Variants in ASAH1 observed in about 807,000 individuals in gnomAD.
ASAH1 encodes the protein N-acylsphingosine amidohydrolase 1.
ASAH1 carries 70 observed loss-of-function variants against 59.5 expected under a neutral mutation model. The observed-to-expected ratio is 1.18, with a 90% CI of 0.97 to 1.43. The LOEUF (loss-of-function observed/expected upper bound fraction) is 1.43, where lower values mean the gene tolerates loss of function less well. Among genes scored for constraint, ASAH1 ranks in the 40% most tolerant of loss-of-function variants. The probability of loss-of-function intolerance (pLI) is 0.00; values close to 1 mark genes in which losing one functional copy is unlikely to be tolerated. For missense variants in ASAH1, 660 were observed against 482.5 expected, an observed-to-expected ratio of 1.37 and a Z score of -3.45; for synonymous variants, 213 against 166.5, an observed-to-expected ratio of 1.28 and a Z score of -2.15.
Position 18,073,804 on chromosome 8 carries a change from T to C in ASAH1, c.125+1737A>G, listed in dbSNP as rs1308454053. Among the ~76,000 whole-genome samples, 5 of 152,086 alleles carry C rather than the reference T, an allele frequency of 3.3e-5. No individual in the cohort carries two copies. The East Asian group carries it at 5.8e-4, about 18-fold the overall frequency. On this transcript the variant is annotated intron_variant, in intron 2 of 13. Transcript: ENST00000637790. ...TCTCCTAAATCTCAAGATCCATTGA[T>C]AGAGTTGAGAGAAGAGAAGGATAAG...
chr8:18,063,469 AC>A, intron 6 of ASAH1: 2 of 354,064 alleles, frequency 5.6e-6, no homozygotes, highest in Admixed American at 5.2e-5. Context: ...GCACCTGGCT[AC>A]TTTTTTTTTT....
rs113605061 is a variant in ASAH1, at chr8:18,074,626, T to C, written c.125+915A>G. On this transcript the variant is annotated intron_variant, in intron 2 of 13. Coordinates refer to ENST00000637790, the MANE Select transcript of ASAH1 (RefSeq NM_177924.5). Reference sequence around the variant, plus strand: ...CCCTATACCTGTTCCTTCTTTTCTCTGTTCTGTACACTCTGAGGGGTCTGT... The same window carrying C: ...CCCTATACCTGTTCCTTCTTTTCTCCGTTCTGTACACTCTGAGGGGTCTGT... Among the ~76,000 whole-genome samples, 6 of 152,324 alleles carry C rather than the reference T, an allele frequency of 3.9e-5. 1 individual carries two copies. The highest frequency in any genetic ancestry group is 7.2e-5 in the African/African-American group (3 of 41,578).
chr8:18,069,833 C>A lies in ASAH1; in HGVS notation c.262G>T (p.Val88Leu), dbSNP rs368365768. 6 of 1,591,252 alleles carry A rather than the reference C, an allele frequency of 3.8e-6. No individual in the cohort carries two copies. Among genetic ancestry groups the A allele is most frequent in the Non-Finnish European group, 5.2e-6 (6 of 1,161,062 alleles). ...NSLKNMINTF[V>L]PSGKIMQVVD... ...ACCTGCATAATTTTTCCACTTGGCA[C>A]GAATGTATTTATCATATTCTTCAGA... Residue 88 changes from valine to leucine, a missense_variant, in exon 4 of 14, where the codon GTG becomes TTG. Coordinates refer to ENST00000637790, the MANE Select transcript of ASAH1 (RefSeq NM_177924.5).
intron 5 of ASAH1, 101 bp from the exon 6 acceptor site, chr8:18,064,632 T>G (rs1799855036): frequency 1.3e-6 from 1 of 754,386 alleles, no homozygotes; most frequent in African/African-American, 1.7e-5. Context: ...TGTGAGTGTG[T>G]GCTTTGGCCA....
rs7825513 is a variant in ASAH1, at chr8:18,071,117, A to G, written c.216+183T>C. 0.81 allele frequency among the ~76,000 whole-genome samples: 123,089 copies of G among 151,774 alleles called. 53,362 individuals are homozygous for G. The highest frequency in any genetic ancestry group is 0.98 in the Non-Finnish European group (66,753 of 67,980). On this transcript the variant is annotated intron_variant, in intron 3 of 13. Coordinates refer to ENST00000637790, the MANE Select transcript of ASAH1 (RefSeq NM_177924.5). Reference sequence around the variant, plus strand: ...AGCTACTCGGGAAGCTGAGGCAGGGAAATTGCTAGAACCCAGGAGGCGGAG... The same window carrying G: ...AGCTACTCGGGAAGCTGAGGCAGGGGAATTGCTAGAACCCAGGAGGCGGAG...
chr8:18,064,383 G>T, intron 6 of ASAH1, 74 bp downstream of exon 6: 1 of 1,166,410 alleles, frequency 8.6e-7, no homozygotes, highest in Non-Finnish European at 1.3e-6. Context: ...AATTTCAGAA[G>T]TTCTAATTTC....
intron 12 of ASAH1, 29 bp from the exon 13 acceptor site, chr8:18,058,920 G>T: frequency 2.5e-6 from 4 of 1,592,008 alleles, no homozygotes; most frequent in Non-Finnish European, 3.4e-6. Context: ...GTTTTGTTCA[G>T]TAAGTTAAAT....
chr8:18,064,466 C>A lies in ASAH1; in HGVS notation c.448G>T (p.Asp150Tyr), dbSNP rs1471923402. ...CTCAGCGCACAATTACCTTTTTTGT[C>A]TTCTGCTACTATTGAAGTACAAATG... ...FTICTSIVAE[D>Y]KKGHLIHGRN... Residue 150 changes from aspartate to tyrosine, a missense_variant, in exon 6 of 14, where the codon GAC (aspartate) becomes TAC (tyrosine). Coordinates refer to ENST00000637790, the MANE Select transcript of ASAH1 (RefSeq NM_177924.5). 2 of 1,565,308 alleles carry A rather than the reference C, an allele frequency of 1.3e-6. No individual in the cohort carries two copies. Among genetic ancestry groups the A allele is most frequent in the Admixed American group, 3.3e-5 (2 of 59,724 alleles).
chr8:18,083,978 C>T lies in ASAH1; in HGVS notation c.78+3G>A. 6.3e-7 allele frequency: 1 copy of T among 1,597,670 alleles called. No homozygotes were observed. The highest frequency in any genetic ancestry group is 1.7e-5 in the Admixed American group (1 of 59,936). ...CTCTGCGCCTCGGCTCAAGCTCACT[C>T]ACCGGCGGCGCGTGCTGCGCGACGG... On this transcript the variant is annotated splice_donor_region_variant and intron_variant, in intron 1 of 13. Transcript: ENST00000637790.
chr8:18,074,926 G>C (rs189440553), intron 2 of ASAH1, among the ~76,000 whole-genome samples: 11 of 152,106 alleles, frequency 7.2e-5, no homozygotes, highest in Non-Finnish European at 1.5e-4. Context: ...TTCAAATACA[G>C]CCCTTACATT....
chr8:18,067,973 T>C (rs1165409434), intron 4 of ASAH1: 1 of 152,214 alleles, frequency 6.6e-6, no homozygotes, highest in Non-Finnish European at 1.5e-5. Context: ...ACCAACTTGG[T>C]AATTACATGT....
intron 1 of ASAH1, chr8:18,083,343 C>T (rs1589010803): frequency 6.5e-6 from 1 of 153,586 alleles, no homozygotes; most frequent in South Asian, 1.9e-4. Flanking sequence ...ACTTCCTCTT[C>T]TGTAAAATGA....
At position 18,057,481 on chromosome 8, in the gene ASAH1, G is replaced by T; in HGVS notation, c.*53C>A. 2 of 1,408,490 alleles carry T rather than the reference G, an allele frequency of 1.4e-6. No homozygotes were observed. The highest frequency in any genetic ancestry group is 2.5e-5 in the East Asian group (1 of 40,270). The allele number at this position is 1,408,490 out of a possible 1,614,324, so 87.2% of individuals were successfully genotyped here. ...AGACAGCTGCAGTGTTCGGTCACAT[G>T]GAGATGGTGTCTTCATGTCTCAGAG... On this transcript the variant is annotated 3_prime_UTR_variant, in exon 14 of 14. Transcript: ENST00000637790.
chr8:18,076,090 A>T (rs1159539265), intron 1 of ASAH1: 1 of 178,114 alleles, frequency 5.6e-6, no homozygotes, highest in African/African-American at 2.4e-5. Flanking sequence ...TAGTATTTAT[A>T]GCCATACGCA....
chr8:18,077,085 A>C (rs946033774), intron 1 of ASAH1, among the ~76,000 whole-genome samples: 3 of 152,184 alleles, frequency 2.0e-5, no homozygotes, highest in Non-Finnish European at 4.4e-5. Context: ...AGACTGCAAA[A>C]CTTTACAGCT....
In ASAH1 at chr8:18,058,843, G is replaced by C; in HGVS notation, c.1090C>G (p.Leu364Val). Reference sequence around the variant, plus strand: ...TATAACATTTAAAATACCTTGTTGAGGACAGGTTTTGTTGACAGGACATCA... The same window carrying C: ...TATAACATTTAAAATACCTTGTTGACGACAGGTTTTGTTGACAGGACATCA... The part of the protein sequence containing the change: ...MYDVLSTKPV[L>V]NKLTVYTTLI... The change falls in exon 13 of 14, where the codon CTC (leucine) becomes GTC (valine). Residue 364 changes from leucine to valine, a missense_variant. Transcript: ENST00000637790. The C allele has an allele frequency of 6.2e-7, 1 of 1,611,130 alleles. No individual in the cohort carries two copies. Among genetic ancestry groups the C allele is most frequent in the Non-Finnish European group, 8.5e-7 (1 of 1,177,332 alleles).
chr8:18,059,435 A>G lies in ASAH1; in HGVS notation c.947T>C (p.Val316Ala), dbSNP rs753964094. The G allele has an allele frequency of 3.7e-6, 6 of 1,614,234 alleles. No individual in the cohort carries two copies. Among genetic ancestry groups the G allele is most frequent in the East Asian group, 2.2e-5 (1 of 44,882 alleles). Reference protein sequence around the residue: ...ELDAKQGRWYVVQTNYDRWKH... With the variant: ...ELDAKQGRWYAVQTNYDRWKH... ...CCAACGGTCATAATTTGTTTGTACCACATACCATCTACCCTGCTTAGCATC... is the reference window on the plus strand; with the variant it reads ...CCAACGGTCATAATTTGTTTGTACCGCATACCATCTACCCTGCTTAGCATC... Residue 316 changes from valine to alanine, a missense_variant, in exon 12 of 14, where the codon GTG (valine) becomes GCG (alanine). Coordinates refer to ENST00000637790, the MANE Select transcript of ASAH1 (RefSeq NM_177924.5).
chr8:18,060,942 G>A (rs998969066), intron 10 of ASAH1: 21 of 173,316 alleles, frequency 1.2e-4, no homozygotes, highest in African/African-American at 2.9e-4. Context: ...TTATAGAGAC[G>A]GGGTTTCGCC....
chr8:18,084,611 T>C (rs1213587541), upstream of ASAH1: 24 of 1,604,866 alleles, frequency 1.5e-5, no homozygotes, highest in Non-Finnish European at 1.9e-5. Context: ...CAAGGAGCAG[T>C]TGAGTGGCCG....
Sources: allele counts gnomAD v4.1 joint callset (sites outside exome capture counted in the v4.1 genomes callset), GRCh38; gene constraint gnomAD v4.1.1; transcripts MANE v1.5; gene names NCBI Gene and HGNC (gene_info 2026-07-23, HGNC 2026-07-21).